Variants in VPS13B observed in about 807,000 individuals in gnomAD.
VPS13B encodes the protein vacuolar protein sorting 13 homolog B, also known as intermembrane lipid transfer protein VPS13B.
Under a neutral mutation model 426.4 loss-of-function variants are expected in VPS13B, and 285 were observed. That is an observed-to-expected ratio of 0.67 (90% CI 0.61 to 0.74). The LOEUF (loss-of-function observed/expected upper bound fraction) is 0.74, where lower values mean the gene tolerates loss of function less well. Among genes scored for constraint, VPS13B ranks in the 30% least tolerant of loss-of-function variants. The pLI, the probability that VPS13B is intolerant of heterozygous loss-of-function variation, is 0.00. For synonymous variants in VPS13B, 1,676 were observed against 1,676.4 expected (o/e 1.00, Z 0.01); for missense variants, 4,537 against 4,782.6 (o/e 0.95, Z 1.51).
intron 19 of VPS13B, among the ~76,000 whole-genome samples, chr8:99,282,401 A>G (rs966590669): frequency 6.6e-6 from 1 of 152,176 alleles, no homozygotes; most frequent in Non-Finnish European, 1.5e-5. Flanking sequence ...GGGAACTTCT[A>G]TTCAGTTGCT....
chr8:99,163,053 T>A (rs1407167328), intron 15 of VPS13B, among the ~76,000 whole-genome samples: 1 of 151,080 alleles, frequency 6.6e-6, no homozygotes, highest in Admixed American at 6.6e-5. Flanking sequence ...ATACAGAGTG[T>A]CAATTGGTGC....
Position 99,876,717 on chromosome 8 carries a change from A to ATGT in VPS13B, c.*1053_*1055dup, listed in dbSNP as rs1817716608. Reference sequence around the variant, plus strand: ...ATCTTGGGTTACCAAGATGTCTTAAATGTTCAGTAAATATCTTTCTTACAG... The same window carrying ATGT: ...ATCTTGGGTTACCAAGATGTCTTAAATGTTGTTCAGTAAATATCTTTCTTACAG... On this transcript the variant is annotated 3_prime_UTR_variant, in exon 62 of 62. Coordinates refer to ENST00000357162, the MANE Select transcript of VPS13B (RefSeq NM_152564.5). 1 of 152,188 alleles carries ATGT rather than the reference A, an allele frequency of 6.6e-6. No homozygotes were observed. The highest frequency in any genetic ancestry group is 2.1e-4 in the South Asian group (1 of 4,822). The allele number at this position is 152,188 out of a possible 1,614,324, so 9.4% of individuals were successfully genotyped here. A position where few individuals can be genotyped will look rare whatever the true frequency, so the allele number is the denominator to read the frequency against.
intron 17 of VPS13B, among the ~76,000 whole-genome samples, chr8:99,251,704 G>A (rs1817521112): frequency 6.6e-6 from 1 of 152,042 alleles, no homozygotes; most frequent in Non-Finnish European, 1.5e-5. Context: ...AATGGAAAGT[G>A]TTTCCTCCTT....
chr8:99,543,736 A>G (rs1245417406), intron 30 of VPS13B, among the ~76,000 whole-genome samples: 2 of 151,270 alleles, frequency 1.3e-5, no homozygotes, highest in Admixed American at 6.6e-5. Flanking sequence ...TGGCCATCAG[A>G]GAAATGCAAA....
At chr8:99,509,897 A>G (rs985044427) in intron 28 of VPS13B, among the ~76,000 whole-genome samples, 1 of 152,138 alleles carries the variant, frequency 6.6e-6, no homozygotes, top group Admixed American at 6.5e-5. Flanking sequence ...ACAAAAGTAT[A>G]TGTTTTACTT....
intron 2 of VPS13B, among the ~76,000 whole-genome samples, chr8:99,031,962 T>G (rs1419025003): frequency 6.6e-6 from 1 of 152,236 alleles, no homozygotes; most frequent in Non-Finnish European, 1.5e-5. Flanking sequence ...AATTCTCTCT[T>G]TGGAGCAATC....
chr8:99,272,654 T>TA (rs1016735790), intron 17 of VPS13B, among the ~76,000 whole-genome samples: 2 of 152,182 alleles, frequency 1.3e-5, no homozygotes, highest in African/African-American at 4.8e-5. Context: ...CCCTTTTGAT[T>TA]AAGTTTTCCA....
rs188573968 is a variant in VPS13B, at chr8:99,689,995, T to C, written c.6047-9530T>C. Among the ~76,000 whole-genome samples the C allele has an allele frequency of 2.6e-3, 401 of 152,366 alleles. 7 individuals carry two copies. The highest frequency in any genetic ancestry group is 2.4e-3 in the Non-Finnish European group (166 of 68,030). On this transcript the variant is annotated intron_variant, in intron 35 of 61. Coordinates refer to ENST00000357162, the MANE Select transcript of VPS13B (RefSeq NM_152564.5). ...TCTTCTTTCTACTTTAGCTTTGTTT[T>C]GTTTTTGTTCTAATGATCATCTGTT... is the stretch of plus-strand genomic sequence containing the variant.
intron 17 of VPS13B, among the ~76,000 whole-genome samples, chr8:99,221,312 G>C (rs1815708127): frequency 1.3e-5 from 2 of 151,610 alleles, no homozygotes; most frequent in South Asian, 2.1e-4. Flanking sequence ...CCAGTAATGG[G>C]ATGGCTGGGT....
intron 16 of VPS13B, among the ~76,000 whole-genome samples, chr8:99,178,139 TTC>T (rs1312212462): frequency 6.6e-6 from 1 of 151,332 alleles, no homozygotes; most frequent in African/African-American, 2.4e-5. Flanking sequence ...ATGATTTAAT[TTC>T]TTTTTATTTT....
chr8:99,801,594 T>G (rs1434431745), intron 43 of VPS13B, among the ~76,000 whole-genome samples: 1 of 152,214 alleles, frequency 6.6e-6, no homozygotes, highest in African/African-American at 2.4e-5. Context: ...CAACATGTCT[T>G]TCTTATTTTG....
intron 17 of VPS13B, among the ~76,000 whole-genome samples, chr8:99,209,158 A>G (rs1814913035): frequency 6.6e-6 from 1 of 152,072 alleles, no homozygotes; most frequent in Non-Finnish European, 1.5e-5. Flanking sequence ...ATGTGCCTGT[A>G]GTCCCAGCTA....
chr8:99,624,174 A>AT (rs1219173638), intron 33 of VPS13B, among the ~76,000 whole-genome samples: 4 of 151,590 alleles, frequency 2.6e-5, no homozygotes, highest in South Asian at 2.1e-4. Context: ...TATAGGTTTG[A>AT]TTTTTTCTGA....
chr8:99,671,781 C>T (rs1192628457), intron 35 of VPS13B, among the ~76,000 whole-genome samples: 1 of 152,074 alleles, frequency 6.6e-6, no homozygotes, highest in African/African-American at 2.4e-5. Flanking sequence ...CCTCAGCCCC[C>T]CAAGTTTAGT....
chr8:99,787,663 A>G (rs894338579), intron 43 of VPS13B, among the ~76,000 whole-genome samples: 1 of 152,152 alleles, frequency 6.6e-6, no homozygotes, highest in Non-Finnish European at 1.5e-5. Context: ...TTTCCCCAAA[A>G]TATAGGCAGT....
At chr8:99,873,531 C>G (rs1817540453) in intron 61 of VPS13B, among the ~76,000 whole-genome samples, 1 of 152,218 alleles carries the variant, frequency 6.6e-6, no homozygotes, top group South Asian at 2.1e-4. Flanking sequence ...TGTGCCTGCA[C>G]AGCCAAGGCC....
chr8:99,059,924 C>T (rs191466468), intron 3 of VPS13B, among the ~76,000 whole-genome samples: 288 of 151,482 alleles, frequency 1.9e-3, no homozygotes, highest in African/African-American at 5.1e-3. Flanking sequence ...TTCGTAGAGA[C>T]GGGGTTTCAG....
chr8:99,238,080 C>T (rs1816735264), intron 17 of VPS13B, among the ~76,000 whole-genome samples: 1 of 152,018 alleles, frequency 6.6e-6, no homozygotes. Context: ...CTTCAATTTA[C>T]TCTACCCTCA....
chr8:99,163,582 A>G lies in VPS13B; in HGVS notation c.2209-6457A>G, dbSNP rs796571365. Among the ~76,000 whole-genome samples, 8 of 152,356 alleles carry G rather than the reference A, an allele frequency of 5.3e-5. 1 individual carries two copies. The highest frequency in any genetic ancestry group is 1.9e-4 in the African/African-American group (8 of 41,588). ...TAAGGCCCGGCGAGAAATCGAGCAC[A>G]GCGCCGGTGGGCCAGCACTGTTGGG... On this transcript the variant is annotated intron_variant, in intron 15 of 61. Coordinates refer to ENST00000357162, the MANE Select transcript of VPS13B (RefSeq NM_152564.5).
Sources: allele counts gnomAD v4.1 joint callset (sites outside exome capture counted in the v4.1 genomes callset), GRCh38; gene constraint gnomAD v4.1.1; transcripts MANE v1.5; gene names NCBI Gene and HGNC (gene_info 2026-07-23, HGNC 2026-07-21).